The following PRPSAP2 variants were observed in gnomAD, a reference collection of about 807,000 sequenced individuals.
PRPSAP2 encodes the protein phosphoribosyl pyrophosphate synthetase associated protein 2.
A neutral mutation model predicts 40.6 loss-of-function variants in PRPSAP2; 24 were observed. The observed-to-expected ratio is 0.59, with a 90% confidence interval of 0.43 to 0.83. The LOEUF (loss-of-function observed/expected upper bound fraction) is 0.83, where lower values mean the gene tolerates loss of function less well. PRPSAP2 is among the 40% of genes least tolerant of loss of function. PRPSAP2 has a pLI of 0.00. For missense variants in PRPSAP2, 292 were observed against 465.6 expected, an observed-to-expected ratio of 0.63 and a Z score of 3.43; for synonymous variants, 149 against 164.7, an observed-to-expected ratio of 0.90 and a Z score of 0.73.
Position 18,911,305 on chromosome 17 carries a change from A to G in PRPSAP2, c.733+54A>G. On this transcript the variant is annotated intron_variant, in intron 9 of 11. Coordinates refer to ENST00000268835, the MANE Select transcript of PRPSAP2 (RefSeq NM_002767.4). The surrounding 1 kb of genome is among the most constrained non-coding windows in gnomAD (Gnocchi z 4.5). ...TTCCTCTGATTTTAAGGCTGACTAC[A>G]CTGTTGTCTGTGTGGTTTTTTTCCT... 6.8e-7 allele frequency: 1 copy of G among 1,461,002 alleles called. No homozygotes were observed. Among genetic ancestry groups the G allele is most frequent in the Non-Finnish European group, 9.1e-7 (1 of 1,097,318 alleles). 90.5% of individuals were successfully genotyped at this position (1,461,002 alleles called of 1,614,324 possible). A position where few individuals can be genotyped will look rare whatever the true frequency, so the allele number is the denominator to read the frequency against.
At chr17:18,899,723 G>T (rs1194043847) in intron 8 of PRPSAP2, among the ~76,000 whole-genome samples, 3 of 151,352 alleles carry the variant, frequency 2.0e-5, no homozygotes, top group Admixed American at 6.6e-5. Flanking sequence ...TGGTAGAGAC[G>T]GGGATTTTAC....
chr17:18,930,221 A>T (rs886457307), intron 11 of PRPSAP2, among the ~76,000 whole-genome samples: 11 of 152,010 alleles, frequency 7.2e-5, no homozygotes, highest in African/African-American at 2.7e-4. Flanking sequence ...AAATACAAAA[A>T]AATTACTTGA....
chr17:18,859,864 C>CCT (rs1555545757), intron 1 of PRPSAP2: 1 of 150,944 alleles, frequency 6.6e-6, no homozygotes, highest in Non-Finnish European at 1.5e-5. Flanking sequence ...CCTGCCTCAG[C>CCT]CTCCTGAGTA....
intron 4 of PRPSAP2, among the ~76,000 whole-genome samples, chr17:18,871,930 G>T (rs1176631315): frequency 1.3e-5 from 2 of 152,058 alleles, no homozygotes; most frequent in Non-Finnish European, 2.9e-5. Flanking sequence ...AAAGTGCTGG[G>T]ATTACAGGCA....
upstream of PRPSAP2, among the ~76,000 whole-genome samples, chr17:18,856,957 T>C (rs987185676): frequency 5.3e-5 from 8 of 152,290 alleles, no homozygotes; most frequent in East Asian, 1.5e-3. Flanking sequence ...TTACCTAAGT[T>C]ATAAAGAACT....
intron 9 of PRPSAP2, among the ~76,000 whole-genome samples, chr17:18,923,256 ATTTTTTTTTT>A (rs34975526): frequency 5.7e-5 from 6 of 105,400 alleles, no homozygotes; most frequent in Non-Finnish European, 7.6e-5. Context: ...CACTTGGCTA[ATTTTTTTTTT>A]TTTTTTTTTT....
intron 8 of PRPSAP2, among the ~76,000 whole-genome samples, chr17:18,892,020 G>C (rs941498220): frequency 2.0e-5 from 3 of 152,154 alleles, no homozygotes; most frequent in African/African-American, 7.2e-5. Context: ...CCACACCTGG[G>C]TAATTTTTGT....
At chr17:18,858,035 C>G (rs946248089), upstream of PRPSAP2, 2 of 152,836 alleles carry the variant, frequency 1.3e-5, no homozygotes, top group African/African-American at 4.8e-5. Flanking sequence ...TGCCCCGCGC[C>G]TTACCCACTG....
chr17:18,879,540 A>G (rs2038568627), intron 6 of PRPSAP2, among the ~76,000 whole-genome samples: 3 of 151,918 alleles, frequency 2.0e-5, no homozygotes, highest in Admixed American at 1.3e-4. Flanking sequence ...CGCAACCTCC[A>G]CTTCCTGGGT....
chr17:18,920,758 TATA>T (rs1213683761), intron 9 of PRPSAP2, among the ~76,000 whole-genome samples: 1 of 152,218 alleles, frequency 6.6e-6, no homozygotes, highest in Non-Finnish European at 1.5e-5. Flanking sequence ...AAGCACTATA[TATA>T]ATATTTGAAA....
chr17:18,897,768 T>C (rs2040003924), intron 8 of PRPSAP2, among the ~76,000 whole-genome samples: 1 of 152,036 alleles, frequency 6.6e-6, no homozygotes, highest in African/African-American at 2.4e-5. Flanking sequence ...CGGCCCTCTA[T>C]AGTGTTTTGA....
intron 8 of PRPSAP2, among the ~76,000 whole-genome samples, chr17:18,899,495 C>G (rs192459828): frequency 7.3e-6 from 1 of 137,106 alleles, no homozygotes. Context: ...AACTTCCATT[C>G]TGCTGTTGAG....
At chr17:18,918,860 ACT>A (rs1405379614) in intron 9 of PRPSAP2, among the ~76,000 whole-genome samples, 1 of 152,128 alleles carries the variant, frequency 6.6e-6, no homozygotes, top group African/African-American at 2.4e-5. Context: ...AGTTTTATTG[ACT>A]CTGTGTTAAA....
intron 8 of PRPSAP2, among the ~76,000 whole-genome samples, chr17:18,893,266 AGCC>A: frequency 6.7e-6 from 1 of 149,818 alleles, no homozygotes; most frequent in African/African-American, 2.5e-5. Flanking sequence ...CTCCTGCCTC[AGCC>A]TCCTGAGTAG....
At position 18,877,756 on chromosome 17, in the gene PRPSAP2, T is replaced by G; in HGVS notation, c.298T>G (p.Cys100Gly). The G allele has an allele frequency of 6.2e-7, 1 of 1,613,952 alleles. No individual in the cohort carries two copies. The highest frequency in any genetic ancestry group is 1.3e-5 in the African/African-American group (1 of 74,978). Reference protein sequence around the residue: ...LIMVYACKTSCAKSIIGVIPY... With the variant: ...LIMVYACKTSGAKSIIGVIPY... ...CATGGTGTATGCATGTAAGACCTCT[T>G]GTGCCAAGAGCATCATTGGCGTGAT... Residue 100 changes from cysteine (C) to glycine (G), a missense_variant, in exon 6 of 12, where the codon TGT becomes GGT. By Grantham distance (159) the Cys-to-Gly change is radical (BLOSUM62 -3). Coordinates refer to ENST00000268835, the MANE Select transcript of PRPSAP2 (RefSeq NM_002767.4).
In PRPSAP2 at chr17:18,899,067, G is replaced by A. The variant is rs529668203; in HGVS notation, c.584+9190G>A. ...TTACAGGCATGCACCACCACGCCCA[G>A]CTACTTTTGTATATTTAGTAGAGAC... On this transcript the variant is annotated intron_variant, in intron 8 of 11. Coordinates refer to ENST00000268835, the MANE Select transcript of PRPSAP2 (RefSeq NM_002767.4). 2.0e-5 allele frequency among the ~76,000 whole-genome samples: 3 copies of A among 152,148 alleles called. No homozygotes were observed. In the South Asian group the frequency reaches 6.2e-4, roughly 32 times the overall value.
intron 10 of PRPSAP2, among the ~76,000 whole-genome samples, chr17:18,926,138 T>G (rs1315477212): frequency 2.0e-5 from 3 of 152,012 alleles, no homozygotes; most frequent in African/African-American, 7.2e-5. Flanking sequence ...CCCTCCAGGG[T>G]AATAGCTGTC....
At chr17:18,881,822 T>C (rs968362189) in intron 6 of PRPSAP2, among the ~76,000 whole-genome samples, 3 of 145,210 alleles carry the variant, frequency 2.1e-5, no homozygotes, top group South Asian at 4.4e-4. Context: ...CGTGAGCCAC[T>C]GTGCCCGGCC....
chr17:18,860,434 A>G (rs2036921037), intron 1 of PRPSAP2: 1 of 152,230 alleles, frequency 6.6e-6, no homozygotes, highest in African/African-American at 2.4e-5. Flanking sequence ...GAAGTCAGGC[A>G]TTATTCAGCA....
Sources: gnomAD v4.1 joint callset for allele counts (sites outside exome capture counted in the v4.1 genomes callset) on GRCh38, gnomAD v4.1.1 for gene constraint, Gnocchi (gnomAD v3.1) non-coding constraint, MANE v1.5 for transcripts, NCBI Gene and HGNC (gene_info 2026-07-23, HGNC 2026-07-21) for gene names.